EXD3: variants seen among roughly 807,000 people sequenced by gnomAD.
EXD3 encodes exonuclease 3'-5' domain containing 3, also known as exonuclease mut-7 homolog.
A neutral mutation model predicts 98.0 loss-of-function variants in EXD3; 92 were observed. The observed-to-expected ratio is 0.94, with a 90% confidence interval of 0.79 to 1.12. The LOEUF (loss-of-function observed/expected upper bound fraction) is 1.12, where lower values mean the gene tolerates loss of function less well. EXD3 is among the 50% of genes most tolerant of loss of function. The pLI, the probability that EXD3 is intolerant of heterozygous loss-of-function variation, is 0.00. For missense variants in EXD3, 1,222 were observed against 1,191.6 expected (o/e 1.03, Z -0.38); for synonymous variants, 569 against 526.0 (o/e 1.08, Z -1.12).
At chr9:137,330,644 AG>A (rs199942502) in intron 17 of EXD3, among the ~76,000 whole-genome samples, 1 of 112,074 alleles carries the variant, frequency 8.9e-6, no homozygotes, top group Non-Finnish European at 2.1e-5. Context: ...ACTACACAGG[AG>A]CTACACAGGA....
Position 137,391,314 on chromosome 9 carries a change from G to A in EXD3, c.55+3989C>T, listed in dbSNP as rs932984317. Among the ~76,000 whole-genome samples, 6 of 152,224 alleles carry A rather than the reference G, an allele frequency of 3.9e-5. No individual in the cohort carries two copies. The South Asian group carries it at 6.2e-4, about 16-fold the overall frequency. ...GTTCACCGCCGTGTCCACACTGGGC[G>A]GGTGCCGAGGAACCCGTCTGGAGCG... On this transcript the variant is annotated intron_variant, in intron 2 of 21. Coordinates refer to ENST00000340951, the MANE Select transcript of EXD3 (RefSeq NM_017820.5).
At chr9:137,309,794 GC>G in intron 19 of EXD3, 94 bp from the exon 20 acceptor site, 3 of 926,066 alleles carry the variant, frequency 3.2e-6, no homozygotes, top group African/African-American at 1.6e-5. Context: ...TCTGGGTCTG[GC>G]CATGGGGTTT....
intron 16 of EXD3, among the ~76,000 whole-genome samples, chr9:137,348,838 T>C (rs1481765134): frequency 2.0e-5 from 3 of 148,282 alleles, no homozygotes; most frequent in Non-Finnish European, 3.0e-5. Flanking sequence ...CCTTGGGCCA[T>C]GGGAGGGGCC....
chr9:137,364,624 A>G (rs114037263), intron 7 of EXD3, among the ~76,000 whole-genome samples: 5 of 151,606 alleles, frequency 3.3e-5, no homozygotes, highest in Non-Finnish European at 5.9e-5. Context: ...TCTAAAAAAA[A>G]AAATCATTAA....
chr9:137,348,312 G>A (rs1834044100), intron 16 of EXD3, 74 bp from the exon 17 acceptor site: 2 of 1,469,298 alleles, frequency 1.4e-6, no homozygotes, highest in Admixed American at 4.8e-5. Context: ...CCAGGGCCCT[G>A]AGGCTGTGTG....
chr9:137,352,510 T>C, intron 11 of EXD3, 110 bp downstream of exon 11: 1 of 1,145,976 alleles, frequency 8.7e-7, no homozygotes, highest in Non-Finnish European at 1.2e-6. Flanking sequence ...TTTGTCTTGA[T>C]TTCTAATTCT....
At position 137,361,278 on chromosome 9, in the gene EXD3, C is replaced by A. The variant is rs181469727; in HGVS notation, c.657-4910G>T. On this transcript the variant is annotated intron_variant, in intron 7 of 21. Transcript: ENST00000340951. ...ATTCGCCCAAGTAAAGAGCACCCTG[C>A]GTGTGAGGAACTCACACAAAGCAGA... Among the ~76,000 whole-genome samples the A allele has an allele frequency of 3.7e-4, 32 of 87,132 alleles. 12 individuals are homozygous for A. The East Asian group carries it at 0.016, about 43-fold the overall frequency. The allele number at this position is 87,132 out of a possible 152,430, so 57.2% of individuals were successfully genotyped here. A position where few individuals can be genotyped will look rare whatever the true frequency, so the allele number is the denominator to read the frequency against.
intron 1 of EXD3, among the ~76,000 whole-genome samples, chr9:137,415,077 G>A (rs895509605): frequency 2.0e-5 from 3 of 151,898 alleles, no homozygotes; most frequent in South Asian, 2.1e-4. Context: ...TAGTAGAGAC[G>A]CGGTTTCATC....
intron 3 of EXD3, among the ~76,000 whole-genome samples, chr9:137,375,253 C>T (rs1258638925): frequency 6.6e-6 from 1 of 152,150 alleles, no homozygotes; most frequent in East Asian, 1.9e-4. Flanking sequence ...GTGATCCGCC[C>T]GTCTCGGCCT....
chr9:137,370,973 C>G (rs1031088808), intron 5 of EXD3, among the ~76,000 whole-genome samples: 4 of 152,344 alleles, frequency 2.6e-5, no homozygotes, highest in Admixed American at 2.0e-4. Flanking sequence ...TCCGAGCGGA[C>G]AGGCCTGAAT....
rs1302795202 is a variant in EXD3 at position 137,403,583 on chromosome 9, C to T, written c.-47-8179G>A. Among the ~76,000 whole-genome samples, 3 of 89,332 alleles carry T rather than the reference C, an allele frequency of 3.4e-5. No homozygotes were observed. The highest frequency in any genetic ancestry group is 5.8e-5 in the Non-Finnish European group (2 of 34,292). 58.6% of individuals were successfully genotyped at this position (89,332 alleles called of 152,430 possible). A position where few individuals can be genotyped will look rare whatever the true frequency, so the allele number is the denominator to read the frequency against. Reference sequence around the variant, plus strand: ...CTCCATTCCCGAGCCCCCCAGTTTTCGCCTCTCTCCTTCTCTTTGCCCCTA... The same window carrying T: ...CTCCATTCCCGAGCCCCCCAGTTTTTGCCTCTCTCCTTCTCTTTGCCCCTA... On this transcript the variant is annotated intron_variant, in intron 1 of 21. Coordinates refer to ENST00000340951, the MANE Select transcript of EXD3 (RefSeq NM_017820.5). The surrounding 1 kb of genome is among the most constrained non-coding windows in gnomAD (Gnocchi z 6.1).
rs1421690898 is a variant in EXD3, at chr9:137,337,176, G to C, written c.1998+10895C>G. 3.3e-5 allele frequency among the ~76,000 whole-genome samples: 5 copies of C among 152,104 alleles called. No homozygotes were observed. The South Asian group carries it at 6.2e-4, about 19-fold the overall frequency. ...AGAGGTTCACCACATAATTATAAAA[G>C]ATTTCACACAACAGAAAGATATAAG... On this transcript the variant is annotated intron_variant, in intron 17 of 21. Coordinates refer to ENST00000340951, the MANE Select transcript of EXD3 (RefSeq NM_017820.5).
chr9:137,348,303 C>T (rs1044401898), intron 16 of EXD3, 65 bp from the exon 17 acceptor site: 8 of 1,521,118 alleles, frequency 5.3e-6, no homozygotes, highest in Middle Eastern at 2.0e-4. Flanking sequence ...CTCAGAGAGC[C>T]AGGGCCCTGA....
chr9:137,331,398 T>C (rs74358934), intron 17 of EXD3, among the ~76,000 whole-genome samples: 8,578 of 151,904 alleles, frequency 0.056, 376 homozygotes, highest in East Asian at 0.16. Context: ...CAACATAGTA[T>C]TCAAAGTCCT....
chr9:137,315,920 G>A (rs1037098337), intron 19 of EXD3, among the ~76,000 whole-genome samples: 1 of 151,418 alleles, frequency 6.6e-6, no homozygotes, highest in Non-Finnish European at 1.5e-5. Flanking sequence ...GGGGCTCCGG[G>A]GCGCCCCCAC....
Position 137,373,017 on chromosome 9 carries a change from C to A in EXD3, c.350G>T (p.Ser117Ile). ...QARAVKVLTE[S>I]PPSLAAPLAS... Reference sequence around the variant, plus strand: ...CAGTGGTGCCGCAAGGCTGGGGGGGCTCTCAGTGAGGACTTTGACCGCTCG... The same window carrying A: ...CAGTGGTGCCGCAAGGCTGGGGGGGATCTCAGTGAGGACTTTGACCGCTCG... The change falls in exon 5 of 22, where the codon AGC (serine) becomes ATC (isoleucine). Residue 117 changes from serine to isoleucine, a missense_variant. By Grantham distance (142) the Ser-to-Ile change is moderately radical. Coordinates refer to ENST00000340951, the MANE Select transcript of EXD3 (RefSeq NM_017820.5). 1 of 1,604,680 alleles carries A rather than the reference C, an allele frequency of 6.2e-7. No individual in the cohort carries two copies.
chr9:137,388,770 G>A (rs370664364), intron 2 of EXD3, among the ~76,000 whole-genome samples: 2 of 152,096 alleles, frequency 1.3e-5, no homozygotes, highest in East Asian at 1.9e-4. Flanking sequence ...CTCACAGCCC[G>A]TCTCCAAGGC....
At chr9:137,413,390 C>T (rs981739997) in intron 1 of EXD3, among the ~76,000 whole-genome samples, 5 of 151,542 alleles carry the variant, frequency 3.3e-5, no homozygotes, top group Admixed American at 6.6e-5. Context: ...TTAGTAGAGA[C>T]GGGGTTTCAC....
intron 5 of EXD3, among the ~76,000 whole-genome samples, chr9:137,370,713 G>C (rs1835546882): frequency 6.6e-6 from 1 of 151,642 alleles, no homozygotes; most frequent in East Asian, 1.9e-4. Flanking sequence ...AGGCTGGGCA[G>C]GTGCCCAGGC....
Sources: gnomAD v4.1 joint callset for allele counts (sites outside exome capture counted in the v4.1 genomes callset) on GRCh38, gnomAD v4.1.1 for gene constraint, Gnocchi (gnomAD v3.1) non-coding constraint, MANE v1.5 for transcripts, NCBI Gene and HGNC (gene_info 2026-07-23, HGNC 2026-07-21) for gene names.